The following NNT variants were observed in gnomAD, a reference collection of about 807,000 sequenced individuals.
The protein encoded by NNT is nicotinamide nucleotide transhydrogenase, also known as NAD(P) transhydrogenase, mitochondrial.
In NNT, 50 loss-of-function variants were observed where a neutral mutation model predicts 104.8. The observed-to-expected ratio is 0.48, with a 90% confidence interval of 0.38 to 0.60. NNT has a LOEUF of 0.60. Among genes scored for constraint, NNT ranks in the 20% least tolerant of loss-of-function variants. NNT has a pLI of 0.00. For synonymous variants in NNT, 461 were observed against 490.4 expected, an observed-to-expected ratio of 0.94 and a Z score of 0.79; for missense variants, 1,131 against 1,330.7, an observed-to-expected ratio of 0.85 and a Z score of 2.33.
In NNT at chr5:43,675,604, A is replaced by G; in HGVS notation, c.2728A>G (p.Thr910Ala). ...ACCCATGGAAATTTCTGGCACACAT[A>G]CGGAAATCAACCTTGACAATGCAAT... ...GKPMEISGTH[T>A]EINLDNAIDM... The change falls in exon 18 of 22, where the codon ACG becomes GCG. Residue 910 changes from threonine (T) to alanine (A), a missense_variant. Transcript: ENST00000344920. The G allele has an allele frequency of 6.2e-7, 1 of 1,613,356 alleles. No individual in the cohort carries two copies.
At chr5:43,691,070 AGTGTGTGTGTGTGTGTGT>A (rs56075202) in intron 19 of NNT, among the ~76,000 whole-genome samples, 4 of 137,400 alleles carry the variant, frequency 2.9e-5, no homozygotes, top group African/African-American at 5.5e-5. Flanking sequence ...TTTTTGAGAG[AGTGTGTGTGTGTGTGTGT>A]GTGTGTGTGT....
intron 17 of NNT, among the ~76,000 whole-genome samples, chr5:43,668,645 G>A (rs1405112465): frequency 6.6e-6 from 1 of 152,142 alleles, no homozygotes; most frequent in East Asian, 1.9e-4. Context: ...CTATATCTCT[G>A]TTTTGGTACC....
At chr5:43,617,258 C>T (rs1350011891) in intron 4 of NNT, among the ~76,000 whole-genome samples, 3 of 152,148 alleles carry the variant, frequency 2.0e-5, no homozygotes, top group African/African-American at 7.2e-5. Flanking sequence ...GTGGTTTTAG[C>T]TGTTGAATCT....
In NNT at chr5:43,704,551, T is replaced by G. The variant is rs1019612724; in HGVS notation, c.*147T>G. 5.8e-6 allele frequency: 4 copies of G among 690,774 alleles called. No individual in the cohort carries two copies. Among genetic ancestry groups the G allele is most frequent in the African/African-American group, 5.7e-5 (3 of 52,918 alleles). The allele number at this position is 690,774 out of a possible 1,614,324, so 42.8% of individuals were successfully genotyped here. ...TGAAGAAAGCAAAGCAAAAACTGTA[T>G]AGAGAGATTTTTCAAAAGCAGTAAT... On this transcript the variant is annotated 3_prime_UTR_variant, in exon 22 of 22. Transcript: ENST00000344920.
chr5:43,628,628 C>T (rs1282926410), intron 7 of NNT, among the ~76,000 whole-genome samples: 2 of 151,786 alleles, frequency 1.3e-5, no homozygotes, highest in Admixed American at 1.3e-4. Flanking sequence ...CTCTTGTTGC[C>T]CAGGCTGGAG....
chr5:43,662,291 A>T (rs1326961643), intron 17 of NNT, among the ~76,000 whole-genome samples: 1 of 152,156 alleles, frequency 6.6e-6, no homozygotes, highest in Non-Finnish European at 1.5e-5. Context: ...CTTCTGTAAC[A>T]CTAGAATAAG....
At chr5:43,677,900 A>G in intron 19 of NNT, 94 bp downstream of exon 19, 1 of 1,006,556 alleles carries the variant, frequency 9.9e-7, no homozygotes, top group Non-Finnish European at 1.6e-6. Context: ...TGTAGGGGTT[A>G]GGGCACTGAC....
At chr5:43,685,101 C>T (rs1016532586) in intron 19 of NNT, among the ~76,000 whole-genome samples, 9 of 152,124 alleles carry the variant, frequency 5.9e-5, no homozygotes, top group Admixed American at 3.9e-4. Context: ...CCTTAAGAAG[C>T]AGTTGGATTG....
intron 6 of NNT, among the ~76,000 whole-genome samples, chr5:43,625,226 T>C (rs1750299349): frequency 6.6e-6 from 1 of 152,146 alleles, no homozygotes; most frequent in South Asian, 2.1e-4. Flanking sequence ...GAAATGTATG[T>C]ATTTGACTTA....
At chr5:43,671,748 G>T (rs1741105731) in intron 17 of NNT, among the ~76,000 whole-genome samples, 1 of 152,080 alleles carries the variant, frequency 6.6e-6, no homozygotes, top group African/African-American at 2.4e-5. Context: ...TGGTGAATGT[G>T]ACAATTATGT....
chr5:43,611,732 T>G (rs986767350), intron 2 of NNT, among the ~76,000 whole-genome samples: 1 of 152,180 alleles, frequency 6.6e-6, no homozygotes, highest in Non-Finnish European at 1.5e-5. Flanking sequence ...CATTTTGAAA[T>G]TATACATATT....
rs1382476488 is a variant in NNT, at chr5:43,639,746, GAGGGAACTGAGT to G, written c.965-4444_965-4433del. Among the ~76,000 whole-genome samples, 4 of 152,252 alleles carry G rather than the reference GAGGGAACTGAGT, an allele frequency of 2.6e-5. No individual in the cohort carries two copies. In the South Asian group the frequency reaches 6.2e-4, roughly 24 times the overall value. ...AAAGTGTGGAAATAAGTCCCTCTGAGAGGGAACTGAGTAACCCTTCCAGGGGAACTTAATGTC... is the reference window on the plus strand; with the variant it reads ...AAAGTGTGGAAATAAGTCCCTCTGAGAACCCTTCCAGGGGAACTTAATGTC... On this transcript the variant is annotated intron_variant, in intron 7 of 21. Transcript: ENST00000344920.
intron 10 of NNT, 81 bp from the exon 11 acceptor site, chr5:43,649,066 C>T: frequency 6.8e-7 from 1 of 1,460,960 alleles, no homozygotes; most frequent in Non-Finnish European, 9.4e-7. Flanking sequence ...TTGGCTATTC[C>T]ACATATTTAT....
intron 17 of NNT, among the ~76,000 whole-genome samples, chr5:43,659,704 G>A (rs1026061209): frequency 6.6e-6 from 1 of 151,994 alleles, no homozygotes; most frequent in African/African-American, 2.4e-5. Context: ...TCCAGCCTGG[G>A]TGACATAGCG....
chr5:43,681,287 G>T (rs1328841546), intron 19 of NNT, among the ~76,000 whole-genome samples: 1 of 151,266 alleles, frequency 6.6e-6, no homozygotes, highest in Non-Finnish European at 1.5e-5. Flanking sequence ...AAAAGAAAGG[G>T]GTAGAATTTT....
chr5:43,615,974 A>T lies in NNT; in HGVS notation c.508A>T (p.Arg170Ter), dbSNP rs1361535848. The change falls in exon 4 of 22, where the codon AGA (arginine) becomes TGA (stop). Residue 170 changes from arginine (R) to a stop codon, truncating the protein, a stop_gained. Transcript: ENST00000344920. LOFTEE classifies it high-confidence loss of function. The part of the protein sequence containing the change: ...NPELLNKLSQ[R>*]KTTVLAMDQV... The stretch of plus-strand genomic sequence containing the variant: ...AGAGTTGCTAAATAAACTTTCCCAA[A>T]GAAAAACTACAGTTCTGGCAATGGA... 6.2e-7 allele frequency: 1 copy of T among 1,614,094 alleles called. No individual in the cohort carries two copies. Among genetic ancestry groups the T allele is most frequent in the African/African-American group, 1.3e-5 (1 of 74,936 alleles).
chr5:43,612,172 T>C (rs1749532493), intron 2 of NNT, among the ~76,000 whole-genome samples: 1 of 152,256 alleles, frequency 6.6e-6, no homozygotes, highest in South Asian at 2.1e-4. Flanking sequence ...ATATTTGCAC[T>C]GATCTACTCT....
chr5:43,701,350 T>C (rs1387252450), intron 20 of NNT, among the ~76,000 whole-genome samples: 1 of 152,198 alleles, frequency 6.6e-6, no homozygotes, highest in African/African-American at 2.4e-5. Context: ...TTTCTTTTCC[T>C]GTGTTAATTT....
At chr5:43,647,734 A>G (rs1739529668) in intron 10 of NNT, among the ~76,000 whole-genome samples, 1 of 152,196 alleles carries the variant, frequency 6.6e-6, no homozygotes, top group South Asian at 2.1e-4. Context: ...TGTATGATGT[A>G]ATTTTTATCA....
Sources: gnomAD v4.1 joint callset for allele counts (sites outside exome capture counted in the v4.1 genomes callset) on GRCh38, gnomAD v4.1.1 for gene constraint, MANE v1.5 for transcripts, NCBI Gene and HGNC (gene_info 2026-07-23, HGNC 2026-07-21) for gene names.